The following LMO7 variants were observed in gnomAD, a reference collection of about 807,000 sequenced individuals.
LMO7 encodes LIM domain only protein 7.
LMO7 carries 120 observed loss-of-function variants against 206.5 expected under a neutral mutation model. That is an observed-to-expected ratio of 0.58 (90% CI 0.50 to 0.68). LMO7 has a LOEUF of 0.68. Ranked by LOEUF, LMO7 falls within the 30% of genes least tolerant of loss-of-function variation. The probability of loss-of-function intolerance (pLI) is 0.00; values close to 1 mark genes in which losing one functional copy is unlikely to be tolerated. For missense variants in LMO7, 1,959 were observed against 1,957.9 expected, an observed-to-expected ratio of 1.00 and a Z score of -0.01; for synonymous variants, 706 against 681.5, an observed-to-expected ratio of 1.04 and a Z score of -0.56.
intron 1 of LMO7, among the ~76,000 whole-genome samples, chr13:75,641,914 C>A (rs1371588808): frequency 1.3e-5 from 2 of 152,018 alleles, no homozygotes; most frequent in Non-Finnish European, 2.9e-5. Context: ...CCAGCCTTGG[C>A]CTCCTAAAGT....
intron 4 of LMO7, among the ~76,000 whole-genome samples, chr13:75,794,870 A>T (rs2053759414): frequency 6.6e-6 from 1 of 151,990 alleles, no homozygotes; most frequent in Non-Finnish European, 1.5e-5. Context: ...ACTTTTCAAC[A>T]TTTGCAGGGT....
At chr13:75,826,902 A>G (rs2058161038) in intron 15 of LMO7, among the ~76,000 whole-genome samples, 1 of 152,104 alleles carries the variant, frequency 6.6e-6, no homozygotes, top group South Asian at 2.1e-4. Flanking sequence ...TTTCTTGGAC[A>G]CATCACGTAC....
chr13:75,774,097 A>G (rs1403625211), intron 4 of LMO7, among the ~76,000 whole-genome samples: 1 of 151,936 alleles, frequency 6.6e-6, no homozygotes, highest in Non-Finnish European at 1.5e-5. Context: ...TTATTGTGGT[A>G]TCATTTACCT....
intron 15 of LMO7, among the ~76,000 whole-genome samples, chr13:75,829,529 T>C (rs2058449751): frequency 6.6e-6 from 1 of 152,166 alleles, no homozygotes; most frequent in African/African-American, 2.4e-5. Flanking sequence ...TAAAGAACTA[T>C]ATGTACACAA....
chr13:75,712,995 AC>A (rs751761561), intron 1 of LMO7, among the ~76,000 whole-genome samples, 186 bp from the exon 2 acceptor site: 117 of 152,338 alleles, frequency 7.7e-4, no homozygotes, highest in Non-Finnish European at 6.8e-4. Context: ...AAATGGCTAA[AC>A]TATCTCTTTG....
At position 75,823,640 on chromosome 13, in the gene LMO7, G is replaced by A. The variant is rs1429209729; in HGVS notation, c.2716G>A (p.Ala906Thr). The A allele has an allele frequency of 6.2e-7, 1 of 1,614,110 alleles. No homozygotes were observed. Among genetic ancestry groups the A allele is most frequent in the Admixed American group, 1.7e-5 (1 of 60,026 alleles). The change falls in exon 15 of 31, where the codon GCA becomes ACA. Residue 906 changes from alanine to threonine, a missense_variant. Ala to Thr is a moderately conservative substitution (Grantham distance 58, BLOSUM62 0). Transcript: ENST00000377534. ...RTPNNVVSTP[A>T]PSPDASQLAS... ...TCCAAACAATGTGGTCAGCACCCCT[G>A]CACCAAGCCCGGACGCAAGCCAACT...
chr13:75,856,776 T>C, intron 30 of LMO7, 168 bp downstream of exon 30: 1 of 553,148 alleles, frequency 1.8e-6, no homozygotes, highest in Non-Finnish European at 3.3e-6. Flanking sequence ...AGTGAATGGG[T>C]CACTGCTCAG....
chr13:75,850,476 AAAG>A (rs1450663731), intron 27 of LMO7, among the ~76,000 whole-genome samples: 3 of 152,356 alleles, frequency 2.0e-5, no homozygotes, highest in African/African-American at 4.8e-5. Context: ...TGGCAAAAGA[AAAG>A]AAAATCACAA....
At chr13:75,817,107 C>A in intron 11 of LMO7, 54 bp from the exon 12 acceptor site, 1 of 1,288,814 alleles carries the variant, frequency 7.8e-7, no homozygotes, top group Non-Finnish European at 1.1e-6. Context: ...TCAGTTTAAC[C>A]CCTAAGTCTG....
At chr13:75,772,806 A>T (rs983912985) in intron 4 of LMO7, among the ~76,000 whole-genome samples, 9 of 152,296 alleles carry the variant, frequency 5.9e-5, no homozygotes, top group Middle Eastern at 3.4e-3. Flanking sequence ...CAGACTTTAC[A>T]GAGAGTTAGA....
At chr13:75,817,354 T>G in intron 12 of LMO7, 76 bp downstream of exon 12, 2 of 866,692 alleles carry the variant, frequency 2.3e-6, no homozygotes, top group Non-Finnish European at 3.7e-6. Context: ...GTCAATATAC[T>G]CAAGACCATT....
At chr13:75,641,379 A>C (rs2036513801) in intron 1 of LMO7, among the ~76,000 whole-genome samples, 1 of 152,236 alleles carries the variant, frequency 6.6e-6, no homozygotes. Context: ...GAAGTACCTT[A>C]CTGAGGTAAC....
chr13:75,622,212 T>A (rs1403164365), intron 1 of LMO7: 1 of 160,408 alleles, frequency 6.2e-6, no homozygotes, highest in Non-Finnish European at 1.4e-5. Flanking sequence ...CAACCTGAAC[T>A]TTTGTTGTCA....
chr13:75,664,880 T>G (rs758599080), intron 1 of LMO7, among the ~76,000 whole-genome samples: 2 of 152,242 alleles, frequency 1.3e-5, no homozygotes, highest in Non-Finnish European at 1.5e-5. Flanking sequence ...TTTATTGATT[T>G]CATAATCCCC....
chr13:75,680,207 G>A (rs1167565742), intron 1 of LMO7, among the ~76,000 whole-genome samples: 2 of 152,176 alleles, frequency 1.3e-5, no homozygotes, highest in African/African-American at 4.8e-5. Context: ...CTCTATCCAT[G>A]TCCCTGCAAA....
chr13:75,667,793 C>G (rs1462830619), intron 1 of LMO7, among the ~76,000 whole-genome samples: 1 of 152,178 alleles, frequency 6.6e-6, no homozygotes, highest in Non-Finnish European at 1.5e-5. Flanking sequence ...GAAGTGGCCA[C>G]TTTCTCCTGG....
chr13:75,795,349 A>T, intron 4 of LMO7, 52 bp from the exon 5 acceptor site: 1 of 1,227,104 alleles, frequency 8.1e-7, no homozygotes, highest in Non-Finnish European at 1.2e-6. Context: ...AGCTATAATT[A>T]ATAATTTAAG....
intron 6 of LMO7, 63 bp from the exon 7 acceptor site, chr13:75,800,621 C>A: frequency 6.9e-7 from 1 of 1,454,464 alleles, no homozygotes; most frequent in South Asian, 1.2e-5. Flanking sequence ...AAGTAATAAC[C>A]GATTGATTAT....
Position 75,647,951 on chromosome 13 carries a change from C to CTTTTTTTTTTTT in LMO7, c.69+11232_69+11243dup, listed in dbSNP as rs570513211. On this transcript the variant is annotated intron_variant, in intron 1 of 30. Coordinates refer to ENST00000377534, the MANE Select transcript of LMO7 (RefSeq NM_001306080.2). ...GATTTTCTCTTGTTTTCTTTTCTTT[C>CTTTTTTTTTTTT]TTTTTTTTTTTTTTTTTTGAGACAG... Among the ~76,000 whole-genome samples the CTTTTTTTTTTTT allele has an allele frequency of 5.5e-4, 50 of 91,146 alleles. 5 individuals carry two copies. Among genetic ancestry groups the CTTTTTTTTTTTT allele is most frequent in the Admixed American group, 6.2e-4 (4 of 6,436 alleles). The allele number at this position is 91,146 out of a possible 152,430, so 59.8% of individuals were successfully genotyped here.
Sources: allele counts gnomAD v4.1 joint callset (sites outside exome capture counted in the v4.1 genomes callset), GRCh38; gene constraint gnomAD v4.1.1; transcripts MANE v1.5; gene names NCBI Gene and HGNC (gene_info 2026-07-23, HGNC 2026-07-21).